Variants in SLC6A6 observed in about 807,000 individuals in gnomAD.
SLC6A6 encodes the protein sodium- and chloride-dependent taurine transporter.
In SLC6A6, 16 loss-of-function variants were observed where a neutral mutation model predicts 68.8. That is an observed-to-expected ratio of 0.23 (90% CI 0.16 to 0.35). SLC6A6 has a LOEUF of 0.35. Ranked by LOEUF, SLC6A6 falls within the 10% of genes least tolerant of loss-of-function variation. The probability of loss-of-function intolerance (pLI) is 1.00; values close to 1 mark genes in which losing one functional copy is unlikely to be tolerated. For synonymous variants in SLC6A6, 312 were observed against 315.4 expected (o/e 0.99, Z 0.12); for missense variants, 474 against 802.8 (o/e 0.59, Z 4.95).
intron 5 of SLC6A6, among the ~76,000 whole-genome samples, chr3:14,449,157 C>T (rs554992358): frequency 2.6e-5 from 4 of 152,356 alleles, no homozygotes; most frequent in East Asian, 1.9e-4. Flanking sequence ...GCTGGGACAT[C>T]GTTGGCAAAG....
intron 2 of SLC6A6, among the ~76,000 whole-genome samples, chr3:14,419,483 AG>A (rs1457597188): frequency 6.6e-6 from 1 of 152,200 alleles, no homozygotes; most frequent in African/African-American, 2.4e-5. Flanking sequence ...TATTGCTGAC[AG>A]GGGGCAACCC....
chr3:14,469,151 C>T (rs961651258), intron 9 of SLC6A6, among the ~76,000 whole-genome samples: 17 of 152,118 alleles, frequency 1.1e-4, no homozygotes, highest in African/African-American at 2.2e-4. Flanking sequence ...CACCCTTCCC[C>T]GGCCCTGCAC....
chr3:14,408,413 C>T (rs1294894239), intron 1 of SLC6A6, among the ~76,000 whole-genome samples: 1 of 151,742 alleles, frequency 6.6e-6, no homozygotes, highest in African/African-American at 2.4e-5. Context: ...CAGCTCACTG[C>T]AACCTCCGCC....
At chr3:14,431,260 G>A (rs1699718649) in intron 2 of SLC6A6, among the ~76,000 whole-genome samples, 1 of 152,214 alleles carries the variant, frequency 6.6e-6, no homozygotes, top group Non-Finnish European at 1.5e-5. Flanking sequence ...TCGTAGAGGA[G>A]CTCTCAGAAT....
intron 9 of SLC6A6, among the ~76,000 whole-genome samples, chr3:14,471,130 C>CTTTT (rs754511089): frequency 1.1e-4 from 9 of 83,094 alleles, no homozygotes; most frequent in Non-Finnish European, 1.6e-4. Context: ...TGCTTCTTGA[C>CTTTT]TTTTTTTTTT....
intron 4 of SLC6A6, among the ~76,000 whole-genome samples, chr3:14,446,300 A>C (rs1254246277): frequency 6.6e-6 from 1 of 152,236 alleles, no homozygotes; most frequent in Non-Finnish European, 1.5e-5. Flanking sequence ...TCCTAAGTGA[A>C]TTGATGCAGA....
intron 2 of SLC6A6, among the ~76,000 whole-genome samples, chr3:14,436,815 C>T (rs1402679425): frequency 6.6e-6 from 1 of 152,122 alleles, no homozygotes; most frequent in African/African-American, 2.4e-5. Context: ...AGCCCTGTGG[C>T]CCTTGGCACT....
intron 2 of SLC6A6, among the ~76,000 whole-genome samples, chr3:14,422,536 A>G (rs1233664590): frequency 6.6e-6 from 1 of 152,154 alleles, no homozygotes; most frequent in East Asian, 1.9e-4. Context: ...GAGCACGTGC[A>G]GCATAGGGCC....
Position 14,481,790 on chromosome 3 carries a change from T to C in SLC6A6, c.1671T>C (p.Val557=). 1.2e-6 allele frequency: 2 copies of C among 1,614,150 alleles called. No homozygotes were observed. Among genetic ancestry groups the C allele is most frequent in the Non-Finnish European group, 1.7e-6 (2 of 1,180,008 alleles). The change falls in exon 14 of 15, where the codon GTT becomes GTC. Residue 557 remains valine (V), a synonymous_variant. Coordinates refer to ENST00000622186, the MANE Select transcript of SLC6A6 (RefSeq NM_003043.6). The surrounding 1 kb of genome is among the most constrained non-coding windows in gnomAD (Gnocchi z 4.7). ...TGGCCCTTTCCTCCATGCTCTGCGT[T>C]CCCTTGGTCATCGTCATCCGCCTCT... The part of the protein sequence containing the change: ...WSLALSSMLC[V]PLVIVIRLCQ...
intron 13 of SLC6A6, among the ~76,000 whole-genome samples, chr3:14,479,999 G>A (rs1230062354): frequency 6.6e-6 from 1 of 152,134 alleles, no homozygotes; most frequent in East Asian, 1.9e-4. Context: ...GGACAAATAG[G>A]CCCTCCCCTC....
At chr3:14,454,572 T>C (rs1482715626) in intron 5 of SLC6A6, among the ~76,000 whole-genome samples, 1 of 152,170 alleles carries the variant, frequency 6.6e-6, no homozygotes, top group Non-Finnish European at 1.5e-5. Flanking sequence ...TGTCGGTTGC[T>C]CTGGCCCTGA....
intron 2 of SLC6A6, among the ~76,000 whole-genome samples, chr3:14,424,766 A>G (rs1017858505): frequency 6.6e-6 from 1 of 152,216 alleles, no homozygotes; most frequent in Non-Finnish European, 1.5e-5. Flanking sequence ...AATCACAGGC[A>G]CGGCCACAAG....
At chr3:14,457,837 A>T in intron 5 of SLC6A6, 113 bp from the exon 6 acceptor site, 1 of 937,644 alleles carries the variant, frequency 1.1e-6, no homozygotes, top group Non-Finnish European at 1.7e-6. Flanking sequence ...GACTTATGTA[A>T]ATGCAGCGCC....
Position 14,445,292 on chromosome 3 carries a change from G to C in SLC6A6, c.230-425G>C, listed in dbSNP as rs3773187. ...AAAAATTAGCCGGGCGTGGTGGCGGGCGCCTGTAGTCCCAGCTACTCGGGA... is the reference window on the plus strand; with the variant it reads ...AAAAATTAGCCGGGCGTGGTGGCGGCCGCCTGTAGTCCCAGCTACTCGGGA... On this transcript the variant is annotated intron_variant, in intron 3 of 14. Transcript: ENST00000622186. Among the ~76,000 whole-genome samples the C allele has an allele frequency of 7.3e-3, 1,106 of 152,088 alleles. 19 individuals are homozygous for C. The highest frequency in any genetic ancestry group is 0.026 in the African/African-American group (1,058 of 41,470).
Position 14,484,253 on chromosome 3 carries a change from T to C in SLC6A6, c.1723-614T>C, listed in dbSNP as rs555862357. Among the ~76,000 whole-genome samples the C allele has an allele frequency of 4.6e-5, 7 of 152,300 alleles. No homozygotes were observed. In the East Asian group the frequency reaches 1.4e-3, roughly 29 times the overall value. On this transcript the variant is annotated intron_variant, in intron 14 of 14. Coordinates refer to ENST00000622186, the MANE Select transcript of SLC6A6 (RefSeq NM_003043.6). ...GCTCAGGAGTGATCTAGAATTCCCA[T>C]GCAGCTCCTATCTCTTGGAAGGGCA...
chr3:14,464,861 C>A (rs1229977468), intron 6 of SLC6A6, among the ~76,000 whole-genome samples: 1 of 152,244 alleles, frequency 6.6e-6, no homozygotes, highest in Admixed American at 6.5e-5. Context: ...CTCTGCCAAC[C>A]AGTCTCAATG....
chr3:14,448,568 C>T (rs1034272755), intron 5 of SLC6A6, among the ~76,000 whole-genome samples: 1 of 152,206 alleles, frequency 6.6e-6, no homozygotes, highest in Non-Finnish European at 1.5e-5. Context: ...ATCCCCGAAA[C>T]CCAAGTGCTT....
intron 1 of SLC6A6, among the ~76,000 whole-genome samples, chr3:14,405,183 C>T (rs1270581936): frequency 6.6e-6 from 1 of 152,144 alleles, no homozygotes; most frequent in South Asian, 2.1e-4. Context: ...GTCCTTAGGG[C>T]AGGAAAGTGA....
chr3:14,474,901 A>G (rs1436627687), intron 10 of SLC6A6, among the ~76,000 whole-genome samples: 1 of 152,120 alleles, frequency 6.6e-6, no homozygotes, highest in Non-Finnish European at 1.5e-5. Context: ...AGGGGTTCCT[A>G]CCATTGGCGG....
Sources: gnomAD v4.1 joint callset for allele counts (sites outside exome capture counted in the v4.1 genomes callset) on GRCh38, gnomAD v4.1.1 for gene constraint, Gnocchi (gnomAD v3.1) non-coding constraint, MANE v1.5 for transcripts, NCBI Gene and HGNC (gene_info 2026-07-23, HGNC 2026-07-21) for gene names.